Variants in CRACDL observed in about 807,000 individuals in gnomAD.
The protein encoded by CRACDL is CRACD-like protein.
Under a neutral mutation model 70.6 loss-of-function variants are expected in CRACDL, and 26 were observed. The observed-to-expected ratio is 0.37, with a 90% CI of 0.27 to 0.51. The LOEUF is 0.51. Among genes scored for constraint, CRACDL ranks in the 20% least tolerant of loss-of-function variants. The probability of loss-of-function intolerance (pLI) is 0.94; values close to 1 mark genes in which losing one functional copy is unlikely to be tolerated. For synonymous variants in CRACDL, 618 were observed against 615.2 expected (o/e 1.00, Z -0.07); for missense variants, 1,283 against 1,376.9 (o/e 0.93, Z 1.08).
intron 7 of CRACDL, among the ~76,000 whole-genome samples, chr2:98,801,026 G>C (rs1350562707): frequency 2.0e-5 from 3 of 152,198 alleles, no homozygotes; most frequent in African/African-American, 7.2e-5. Flanking sequence ...GCTGCTGTGG[G>C]ATAAGGTAAC....
At chr2:98,802,191 C>T (rs1218542342) in intron 7 of CRACDL, among the ~76,000 whole-genome samples, 8 of 152,272 alleles carry the variant, frequency 5.3e-5, no homozygotes. Flanking sequence ...TGAGAGCCAG[C>T]GGGTCTGATC....
chr2:98,930,541 CT>C (rs1709048037), intron 1 of CRACDL, among the ~76,000 whole-genome samples: 1 of 148,132 alleles, frequency 6.8e-6, no homozygotes, highest in African/African-American at 2.5e-5. Context: ...CCTGTGTCCC[CT>C]ACTGCATCTC....
rs1346569420 is a variant in CRACDL, at chr2:98,822,435, A to G, written c.1838T>C (p.Leu613Pro). Residue 613 changes from leucine to proline, a missense_variant, in exon 7 of 10, where the codon CTT (leucine) becomes CCT (proline). Around this residue, in one of 2 missense-constraint regions of CRACDL, gnomAD observed 921 missense variants for 881.9 expected, o/e 1.04. Transcript: ENST00000397899. This position sits in a 1 kb window ranked among gnomAD's most constrained non-coding sequence, Gnocchi z 4.9. ...SGPVWRSEAA[L>P]DDLQGLPEPQ... ...CTCGGGGAGACCCTGGAGGTCGTCA[A>G]GAGCCGCCTCGCTCCTCCAGACCGG... is the stretch of plus-strand genomic sequence containing the variant. 1.3e-6 allele frequency: 2 copies of G among 1,483,738 alleles called. No homozygotes were observed. The highest frequency in any genetic ancestry group is 8.9e-7 in the Non-Finnish European group (1 of 1,125,300). The allele number at this position is 1,483,738 out of a possible 1,614,324, so 91.9% of individuals were successfully genotyped here. A position where few individuals can be genotyped will look rare whatever the true frequency, so the allele number is the denominator to read the frequency against.
At chr2:98,832,656 C>T in intron 4 of CRACDL, 144 bp from the exon 5 acceptor site, 1 of 1,007,040 alleles carries the variant, frequency 9.9e-7, no homozygotes, top group Non-Finnish European at 1.5e-6. Context: ...CATCTGCCAC[C>T]AGCTCTTCCA....
At chr2:98,857,675 A>G (rs1200852341) in intron 1 of CRACDL, among the ~76,000 whole-genome samples, 1 of 152,202 alleles carries the variant, frequency 6.6e-6, no homozygotes, top group African/African-American at 2.4e-5. Context: ...AGAAAACAAA[A>G]AGCAAAATGG....
intron 1 of CRACDL, among the ~76,000 whole-genome samples, chr2:98,861,030 C>T (rs929891184): frequency 1.3e-5 from 2 of 152,162 alleles, no homozygotes; most frequent in African/African-American, 4.8e-5. Context: ...TGAAAAGATG[C>T]TCAACCCTCT....
At chr2:98,906,445 A>G (rs1708417013) in intron 1 of CRACDL, among the ~76,000 whole-genome samples, 1 of 152,008 alleles carries the variant, frequency 6.6e-6, no homozygotes, top group African/African-American at 2.4e-5. Flanking sequence ...TATTTTTAGT[A>G]CAGACGGGGT....
At chr2:98,915,559 G>A (rs552449635) in intron 1 of CRACDL, among the ~76,000 whole-genome samples, 165 of 152,296 alleles carry the variant, frequency 1.1e-3, no homozygotes, top group Admixed American at 2.1e-3. Context: ...AGATCACAGA[G>A]GGACAGCCAT....
At position 98,823,188 on chromosome 2, in the gene CRACDL, G is replaced by C. The variant is rs2104471542; in HGVS notation, c.1085C>G (p.Pro362Arg). The change falls in exon 7 of 10, where the codon CCG (proline) becomes CGG (arginine). Residue 362 changes from proline to arginine, a missense_variant. Around this residue, in one of 2 missense-constraint regions of CRACDL, gnomAD observed 921 missense variants for 881.9 expected, o/e 1.04. Transcript: ENST00000397899. The surrounding 1 kb of genome is among the most constrained non-coding windows in gnomAD (Gnocchi z 4.0). ...CTTTCCGCCGTCGGGACCGGGATTCGGGGGGCCCTCCGGCGGGGACGGGGG... is the reference window on the plus strand; with the variant it reads ...CTTTCCGCCGTCGGGACCGGGATTCCGGGGGCCCTCCGGCGGGGACGGGGG... ...VEPPSPPEGPPNPGPDGGKQD... is the reference protein window; with the variant it reads ...VEPPSPPEGPRNPGPDGGKQD... 6.7e-7 allele frequency: 1 copy of C among 1,485,812 alleles called. No individual in the cohort carries two copies. The highest frequency in any genetic ancestry group is 2.3e-5 in the Admixed American group (1 of 43,802). 92.0% of individuals were successfully genotyped at this position (1,485,812 alleles called of 1,614,324 possible).
intron 7 of CRACDL, among the ~76,000 whole-genome samples, chr2:98,816,118 C>G (rs1379068543): frequency 1.3e-5 from 2 of 152,152 alleles, no homozygotes; most frequent in Non-Finnish European, 2.9e-5. Flanking sequence ...TTGATACCAC[C>G]AGTGGCAGAG....
intron 7 of CRACDL, among the ~76,000 whole-genome samples, chr2:98,808,900 T>C (rs72827742): frequency 0.055 from 8,422 of 152,144 alleles, 267 homozygotes; most frequent in East Asian, 0.11. Context: ...CGGCACTGCT[T>C]ATCTGCTCCT....
At chr2:98,901,273 C>T (rs1708273267) in intron 1 of CRACDL, among the ~76,000 whole-genome samples, 2 of 152,184 alleles carry the variant, frequency 1.3e-5, no homozygotes, top group South Asian at 4.1e-4. Context: ...CCATGATGGG[C>T]CACTGAGCCT....
intron 1 of CRACDL, among the ~76,000 whole-genome samples, chr2:98,898,545 C>T (rs1208083902): frequency 6.6e-6 from 1 of 152,240 alleles, no homozygotes; most frequent in African/African-American, 2.4e-5. Context: ...GGCACATGCA[C>T]CAGAGTCAGA....
At position 98,814,249 on chromosome 2, in the gene CRACDL, G is replaced by A. The variant is rs533025587; in HGVS notation, c.2416+7608C>T. Reference sequence around the variant, plus strand: ...CTTTTTCTAGTTCCTTAAAGTGGAAGCTTAAATTACTGCTTTGAAACATTT... The same window carrying A: ...CTTTTTCTAGTTCCTTAAAGTGGAAACTTAAATTACTGCTTTGAAACATTT... On this transcript the variant is annotated intron_variant, in intron 7 of 9. Transcript: ENST00000397899. Among the ~76,000 whole-genome samples, 3 of 152,040 alleles carry A rather than the reference G, an allele frequency of 2.0e-5. No homozygotes were observed. In the South Asian group the frequency reaches 6.2e-4, roughly 32 times the overall value.
intron 1 of CRACDL, among the ~76,000 whole-genome samples, chr2:98,902,714 C>G (rs1182707507): frequency 6.6e-6 from 1 of 152,106 alleles, no homozygotes; most frequent in African/African-American, 2.4e-5. Context: ...CATCACCGGG[C>G]AAACTCTCAG....
At position 98,794,637 on chromosome 2, in the gene CRACDL, A is replaced by G; in HGVS notation, c.2784T>C (p.His928=). The G allele has an allele frequency of 6.2e-7, 1 of 1,613,876 alleles. No homozygotes were observed. The highest frequency in any genetic ancestry group is 2.2e-5 in the East Asian group (1 of 44,870). ...QSAVMMEKEL[H]QLKRASYAST... ...TGGCATAACTGGCTCTCTTCAGCTG[A>G]TGCAGTTCCTTCTCCATCATCACTG... is the stretch of plus-strand genomic sequence containing the variant. The change falls in exon 10 of 10, where the codon CAT becomes CAC. Residue 928 remains histidine (H), a synonymous_variant. Coordinates refer to ENST00000397899, the MANE Select transcript of CRACDL (RefSeq NM_207362.3).
intron 7 of CRACDL, among the ~76,000 whole-genome samples, chr2:98,801,112 T>C (rs1476325224): frequency 6.6e-6 from 1 of 152,248 alleles, no homozygotes; most frequent in Non-Finnish European, 1.5e-5. Context: ...GGTTCCTGCC[T>C]CTTTCCCTGC....
chr2:98,836,949 G>A (rs1469699850), intron 3 of CRACDL, among the ~76,000 whole-genome samples: 4 of 152,072 alleles, frequency 2.6e-5, no homozygotes, highest in African/African-American at 9.7e-5. Context: ...GCCAGGCGTG[G>A]TGGCGGGTGC....
intron 1 of CRACDL, among the ~76,000 whole-genome samples, chr2:98,862,983 T>G (rs1706996755): frequency 6.6e-6 from 1 of 152,126 alleles, no homozygotes; most frequent in South Asian, 2.1e-4. Flanking sequence ...ATTTATACAT[T>G]TATTCATTTA....
Sources: gnomAD v4.1 joint callset for allele counts (sites outside exome capture counted in the v4.1 genomes callset) on GRCh38, gnomAD v4.1.1 for gene constraint, gnomAD v4.1.1 regional missense constraint, Gnocchi (gnomAD v3.1) non-coding constraint, MANE v1.5 for transcripts, NCBI Gene and HGNC (gene_info 2026-07-23, HGNC 2026-07-21) for gene names.